Variants in TBC1D1 observed in about 807,000 individuals in gnomAD.
TBC1D1 encodes the protein TBC1 domain family member 1, also known as TBC1 (tre-2/USP6, BUB2, cdc16) domain family, member 1.
Under a neutral mutation model 125.6 loss-of-function variants are expected in TBC1D1, and 89 were observed. That is an observed-to-expected ratio of 0.71 (90% CI 0.60 to 0.85). The LOEUF is 0.85. Ranked by LOEUF, TBC1D1 falls within the 40% of genes least tolerant of loss-of-function variation. The pLI is 0.00. For synonymous variants in TBC1D1, 565 were observed against 564.1 expected, an observed-to-expected ratio of 1.00 and a Z score of -0.02; for missense variants, 1,377 against 1,469.2, an observed-to-expected ratio of 0.94 and a Z score of 1.03.
rs1726244927 is a variant in TBC1D1 at position 37,944,500 on chromosome 4, GC to G, written c.417+41990del. 3.3e-5 allele frequency among the ~76,000 whole-genome samples: 5 copies of G among 152,340 alleles called. No homozygotes were observed. In the South Asian group the frequency reaches 1.0e-3, roughly 32 times the overall value. Reference sequence around the variant, plus strand: ...GGCTCCACCCAGTTCGAGCTTCCCGGCCGCTTTGTTTACCTACTCAAGCCTC... The same window carrying G: ...GGCTCCACCCAGTTCGAGCTTCCCGGCGCTTTGTTTACCTACTCAAGCCTC... On this transcript the variant is annotated intron_variant, in intron 2 of 19. Transcript: ENST00000261439.
chr4:38,087,379 C>T (rs1209553379), intron 12 of TBC1D1, among the ~76,000 whole-genome samples: 1 of 152,194 alleles, frequency 6.6e-6, no homozygotes, highest in Non-Finnish European at 1.5e-5. Context: ...AGGAATGTTC[C>T]ATCCTCCTGG....
intron 12 of TBC1D1, among the ~76,000 whole-genome samples, chr4:38,065,668 CAG>C (rs1267451128): frequency 1.3e-4 from 15 of 114,394 alleles, no homozygotes; most frequent in Admixed American, 2.1e-4. Flanking sequence ...TTTTTTGAGA[CAG>C]AGTCTTGCTC....
chr4:38,004,369 A>G (rs962489555), intron 2 of TBC1D1, among the ~76,000 whole-genome samples: 3 of 152,126 alleles, frequency 2.0e-5, no homozygotes, highest in African/African-American at 7.2e-5. Flanking sequence ...ACACTAAACA[A>G]TTTTCTTACA....
chr4:38,038,349 C>T (rs1044536989), intron 8 of TBC1D1, among the ~76,000 whole-genome samples: 4 of 152,062 alleles, frequency 2.6e-5, no homozygotes, highest in African/African-American at 9.6e-5. Context: ...AGAATTATAC[C>T]ATGAGCACTC....
At chr4:38,023,620 G>A (rs571022963) in intron 6 of TBC1D1, among the ~76,000 whole-genome samples, 33 of 152,262 alleles carry the variant, frequency 2.2e-4, no homozygotes, top group Admixed American at 6.5e-4. Flanking sequence ...CCAGATTCAC[G>A]TGTATTGTAG....
chr4:37,994,210 GAA>G (rs1737267678), intron 2 of TBC1D1, among the ~76,000 whole-genome samples: 1 of 152,212 alleles, frequency 6.6e-6, no homozygotes, highest in Admixed American at 6.5e-5. Flanking sequence ...GACTCCTCAA[GAA>G]GTCTGTACCA....
intron 18 of TBC1D1, among the ~76,000 whole-genome samples, chr4:38,130,113 C>A (rs1046901943): frequency 1.3e-5 from 2 of 152,166 alleles, no homozygotes; most frequent in African/African-American, 4.8e-5. Context: ...AACTAGATGT[C>A]TAACACTTGA....
At chr4:37,907,358 A>G (rs1045894979) in intron 2 of TBC1D1, among the ~76,000 whole-genome samples, 1 of 152,142 alleles carries the variant, frequency 6.6e-6, no homozygotes, top group African/African-American at 2.4e-5. Flanking sequence ...GCACTTTATT[A>G]TGTTAAAATC....
chr4:37,898,307 A>G (rs1033642483), intron 1 of TBC1D1, among the ~76,000 whole-genome samples: 1 of 152,062 alleles, frequency 6.6e-6, no homozygotes, highest in Non-Finnish European at 1.5e-5. Flanking sequence ...ACACCTTGGA[A>G]AAAAGAGGTG....
chr4:38,098,247 A>G (rs575527995), intron 14 of TBC1D1, among the ~76,000 whole-genome samples: 4 of 152,308 alleles, frequency 2.6e-5, no homozygotes, highest in East Asian at 1.9e-4. Context: ...CTTTACACCA[A>G]ATGACCCCAA....
chr4:38,125,178 T>C (rs757437742), intron 18 of TBC1D1, 47 bp downstream of exon 20: 14 of 1,572,226 alleles, frequency 8.9e-6, no homozygotes, highest in Non-Finnish European at 1.2e-5. Context: ...ATCCTAGATA[T>C]GTAGAAACTT....
chr4:38,013,764 G>T lies in TBC1D1; in HGVS notation c.418-745G>T, dbSNP rs115016535. 6.2e-4 allele frequency among the ~76,000 whole-genome samples: 95 copies of T among 152,282 alleles called. 1 individual carries two copies. Among genetic ancestry groups the T allele is most frequent in the African/African-American group, 2.2e-3 (92 of 41,552 alleles). On this transcript the variant is annotated intron_variant, in intron 2 of 19. Transcript: ENST00000261439. ...TCTTTTATTACATTCTTTTAATCAT[G>T]ATTTTCAGCATTAGAAACCAAAAGC...
intron 2 of TBC1D1, chr4:37,960,790 CCTTCAAT>C (rs1729867326): frequency 1.4e-5 from 22 of 1,614,030 alleles, no homozygotes; most frequent in Non-Finnish European, 1.6e-5. Flanking sequence ...AAATTCTTTC[CCTTCAAT>C]CTTCTAGACT....
At chr4:38,065,838 C>G (rs1753633778) in intron 12 of TBC1D1, among the ~76,000 whole-genome samples, 1 of 152,050 alleles carries the variant, frequency 6.6e-6, no homozygotes, top group Non-Finnish European at 1.5e-5. Context: ...TTAGTAGAGA[C>G]AGGGTTTCGC....
chr4:38,132,907 A>G, intron 18 of TBC1D1, 177 bp from the exon 21 acceptor site: 1 of 406,004 alleles, frequency 2.5e-6, no homozygotes. Context: ...TGTCCCAAGT[A>G]AAATTATTAC....
intron 2 of TBC1D1, among the ~76,000 whole-genome samples, chr4:37,978,227 A>G (rs1578129142): frequency 2.0e-5 from 3 of 152,296 alleles, no homozygotes; most frequent in Admixed American, 2.0e-4. Context: ...GAACACAGTA[A>G]TAGCATCAAT....
At chr4:38,136,496 C>T (rs1416466017) in intron 19 of TBC1D1, among the ~76,000 whole-genome samples, 1 of 152,186 alleles carries the variant, frequency 6.6e-6, no homozygotes, top group Non-Finnish European at 1.5e-5. Flanking sequence ...ACTAACTTTA[C>T]ACAGTAGCTT....
chr4:38,042,743 G>A (rs1748635881), intron 8 of TBC1D1, among the ~76,000 whole-genome samples: 2 of 152,184 alleles, frequency 1.3e-5, no homozygotes, highest in Non-Finnish European at 2.9e-5. Context: ...CTCCAGAGCT[G>A]GGCTTCTCAC....
At chr4:38,064,505 C>T (rs1753334802) in intron 12 of TBC1D1, among the ~76,000 whole-genome samples, 1 of 152,300 alleles carries the variant, frequency 6.6e-6, no homozygotes, top group Admixed American at 6.5e-5. Flanking sequence ...TGGCACTGCC[C>T]TCATGAGTGT....
Sources: gnomAD v4.1 joint callset for allele counts (sites outside exome capture counted in the v4.1 genomes callset) on GRCh38, gnomAD v4.1.1 for gene constraint, MANE v1.5 for transcripts, NCBI Gene and HGNC (gene_info 2026-07-23, HGNC 2026-07-21) for gene names.